The following NXPE4 variants were observed in gnomAD, a reference collection of about 807,000 sequenced individuals.
NXPE4 encodes the protein NXPE family member 4.
In NXPE4, 42 loss-of-function variants were observed where a neutral mutation model predicts 33.3. The ratio of observed to expected loss-of-function variants is 1.26; its 90% CI spans 0.98 to 1.63. The LOEUF (loss-of-function observed/expected upper bound fraction) is 1.63. Ranked by LOEUF, NXPE4 falls within the 40% of genes most tolerant of loss-of-function variation. NXPE4 has a pLI of 0.00. For missense variants in NXPE4, 709 were observed against 647.6 expected (o/e 1.09, Z -1.03); for synonymous variants, 253 against 234.9 (o/e 1.08, Z -0.71).
At chr11:114,610,977 G>T in the NXPE4 span, among the ~76,000 whole-genome samples, 1 of 151,624 alleles carries the variant, frequency 6.6e-6, no homozygotes, top group African/African-American at 2.4e-5. Flanking sequence ...TGCCTCGTGG[G>T]TAACCACTGT....
the NXPE4 span, among the ~76,000 whole-genome samples, chr11:114,659,763 A>G: frequency 6.6e-6 from 1 of 152,148 alleles, no homozygotes; most frequent in Non-Finnish European, 1.5e-5. Flanking sequence ...ATGTTAAGAA[A>G]CTGGAAAAAG....
At chr11:114,616,477 G>A in the NXPE4 span, among the ~76,000 whole-genome samples, 83 of 151,846 alleles carry the variant, frequency 5.5e-4, 6 homozygotes, top group African/African-American at 2.0e-3. Flanking sequence ...AATAAGTGTT[G>A]CCTCGAGGGT....
At chr11:114,642,883 G>T in the NXPE4 span, among the ~76,000 whole-genome samples, 1 of 152,052 alleles carries the variant, frequency 6.6e-6, no homozygotes. Flanking sequence ...CTCACCAACA[G>T]TGTAAAATAA....
chr11:114,577,020 T>C (rs868322687), intron 5 of NXPE4, among the ~76,000 whole-genome samples: 2 of 72,386 alleles, frequency 2.8e-5, no homozygotes, highest in African/African-American at 8.1e-5. Flanking sequence ...TATATATATA[T>C]ATATATACAT....
chr11:114,587,786 C>A (rs1035363441), intron 2 of NXPE4, among the ~76,000 whole-genome samples: 1 of 152,152 alleles, frequency 6.6e-6, no homozygotes, highest in African/African-American at 2.4e-5. Context: ...AACAGACCAT[C>A]TTTGGTCTGC....
chr11:114,626,983 G>T, the NXPE4 span, among the ~76,000 whole-genome samples: 4 of 152,166 alleles, frequency 2.6e-5, no homozygotes, highest in African/African-American at 9.6e-5. Context: ...AGAATAAAAA[G>T]AAATGAACAA....
At chr11:114,653,357 G>A in the NXPE4 span, among the ~76,000 whole-genome samples, 1 of 152,102 alleles carries the variant, frequency 6.6e-6, no homozygotes. Context: ...GTCCCTATAA[G>A]CTCAACGGTT....
At chr11:114,615,324 C>T in the NXPE4 span, among the ~76,000 whole-genome samples, 7 of 150,982 alleles carry the variant, frequency 4.6e-5, no homozygotes, top group South Asian at 1.3e-3. Flanking sequence ...GGGTAACCAC[C>T]ATTACCCGCC....
chr11:114,582,640 T>G lies in NXPE4; in HGVS notation c.478A>C (p.Asn160His). Residue 160 changes from asparagine to histidine, a missense_variant, in exon 3 of 6, where the codon AAC (asparagine) becomes CAC (histidine). Transcript: ENST00000375478. ...GASGKVTDFN[N>H]GTYLVSFTLF... ...GTGAAGCTGACCAGGTAGGTGCCGT[T>G]GTTGAAGTCAGTCACCTTTCCTGAA... is the stretch of plus-strand genomic sequence containing the variant. The G allele has an allele frequency of 6.2e-7, 1 of 1,614,044 alleles. No individual in the cohort carries two copies. Among genetic ancestry groups the G allele is most frequent in the Non-Finnish European group, 8.5e-7 (1 of 1,179,986 alleles).
At chr11:114,611,531 T>C in the NXPE4 span, among the ~76,000 whole-genome samples, 1 of 151,860 alleles carries the variant, frequency 6.6e-6, no homozygotes, top group Non-Finnish European at 1.5e-5. Flanking sequence ...TGTTACCCGG[T>C]TTATAATAAG....
chr11:114,602,464 A>C, the NXPE4 span, among the ~76,000 whole-genome samples: 1 of 135,400 alleles, frequency 7.4e-6, no homozygotes, highest in East Asian at 2.2e-4. Flanking sequence ...TAAATAATAT[A>C]TAAATTATAG....
the NXPE4 span, among the ~76,000 whole-genome samples, chr11:114,604,179 C>A: frequency 6.6e-6 from 1 of 152,076 alleles, no homozygotes; most frequent in Non-Finnish European, 1.5e-5. Context: ...CAGTTAACTA[C>A]TGTTACCTGG....
chr11:114,651,411 C>T, the NXPE4 span, among the ~76,000 whole-genome samples: 2 of 152,234 alleles, frequency 1.3e-5, no homozygotes, highest in Non-Finnish European at 2.9e-5. Context: ...AGGAGTGAAG[C>T]TGCAAACGTT....
chr11:114,617,309 A>C, the NXPE4 span, among the ~76,000 whole-genome samples: 5 of 151,926 alleles, frequency 3.3e-5, no homozygotes, highest in Non-Finnish European at 7.4e-5. Context: ...CCAGATACTA[A>C]GTTTTGCCTC....
intron 5 of NXPE4, 104 bp downstream of exon 5, chr11:114,580,028 A>C (rs771053765): frequency 9.9e-7 from 1 of 1,011,042 alleles, no homozygotes; most frequent in Non-Finnish European, 1.5e-6. Context: ...GTTGTGATTG[A>C]AGAATATGAA....
chr11:114,589,297 TC>T (rs1294607274), intron 2 of NXPE4, among the ~76,000 whole-genome samples: 1 of 151,766 alleles, frequency 6.6e-6, no homozygotes, highest in Non-Finnish European at 1.5e-5. Context: ...TGGCTCAAAT[TC>T]CCATTACAGC....
chr11:114,598,631 C>T (rs1359897102), upstream of NXPE4, among the ~76,000 whole-genome samples: 1 of 152,220 alleles, frequency 6.6e-6, no homozygotes, highest in Admixed American at 6.5e-5. Flanking sequence ...ATGGCTTGCA[C>T]TCTCTAAAGC....
chr11:114,614,623 C>G, the NXPE4 span, among the ~76,000 whole-genome samples: 1 of 151,708 alleles, frequency 6.6e-6, no homozygotes, highest in Admixed American at 6.6e-5. Context: ...CCACTGTTAC[C>G]TGGTGGATTA....
the NXPE4 span, among the ~76,000 whole-genome samples, chr11:114,638,785 C>T: frequency 6.6e-6 from 1 of 151,916 alleles, no homozygotes. Context: ...AGCGGATTTT[C>T]GTGAACCGTG....
Sources: allele counts gnomAD v4.1 joint callset (sites outside exome capture counted in the v4.1 genomes callset), GRCh38; gene constraint gnomAD v4.1.1; transcripts MANE v1.5; gene names NCBI Gene and HGNC (gene_info 2026-07-23, HGNC 2026-07-21).